The following TBC1D12 variants were observed in gnomAD, a reference collection of about 807,000 sequenced individuals.
TBC1D12 encodes the protein TBC1 domain family, member 12.
A neutral mutation model predicts 86.7 loss-of-function variants in TBC1D12; 56 were observed. The observed-to-expected ratio is 0.65, with a 90% CI of 0.52 to 0.81. The LOEUF is 0.81. TBC1D12 is among the 30% of genes least tolerant of loss of function. The pLI is 0.00. For missense variants in TBC1D12, 1,023 were observed against 1,038.8 expected, an observed-to-expected ratio of 0.98 and a Z score of 0.21; for synonymous variants, 421 against 411.7, an observed-to-expected ratio of 1.02 and a Z score of -0.27.
chr10:94,459,233 G>A (rs375133206), intron 2 of TBC1D12, among the ~76,000 whole-genome samples: 11 of 150,292 alleles, frequency 7.3e-5, no homozygotes, highest in African/African-American at 2.4e-4. Flanking sequence ...ACAAAAGTTC[G>A]CCAAGTCCCC....
chr10:94,497,093 G>T lies in TBC1D12; in HGVS notation c.1333G>T (p.Glu445Ter). ...ACATAAAAGAAAAAGAATCATGAAA[G>T]AACGATTTAAGCAGGAAGAAAATAT... ...EAHKRKRIMK[E>*]RFKQEENIAS... is the part of the protein sequence containing the mutation. Residue 445 changes from glutamate to a stop codon, truncating the protein, a stop_gained, in exon 5 of 13, where the codon GAA (glutamate) becomes TAA (stop). Coordinates refer to ENST00000225235, the MANE Select transcript of TBC1D12 (RefSeq NM_015188.2). LOFTEE classifies it high-confidence loss of function. 6.4e-7 allele frequency: 1 copy of T among 1,567,976 alleles called. No homozygotes were observed. Among genetic ancestry groups the T allele is most frequent in the South Asian group, 1.2e-5 (1 of 83,826 alleles).
intron 1 of TBC1D12, among the ~76,000 whole-genome samples, chr10:94,437,475 C>T (rs944662625): frequency 2.6e-5 from 4 of 152,018 alleles, no homozygotes; most frequent in African/African-American, 4.8e-5. Context: ...TACAGGCGCC[C>T]GCCACCATGC....
intron 8 of TBC1D12, 23 bp from the exon 9 acceptor site, chr10:94,511,560 A>G (rs767071872): frequency 6.6e-7 from 1 of 1,516,842 alleles, no homozygotes; most frequent in East Asian, 2.3e-5. Flanking sequence ...GTACAGTTTC[A>G]AATTTCATTT....
intron 1 of TBC1D12, among the ~76,000 whole-genome samples, chr10:94,404,839 G>GA (rs1564931880): frequency 6.6e-6 from 1 of 151,618 alleles, no homozygotes; most frequent in African/African-American, 2.4e-5. Flanking sequence ...CCTGAGGTCA[G>GA]AGTTCGAGAC....
intron 2 of TBC1D12, among the ~76,000 whole-genome samples, chr10:94,463,862 CACTA>C (rs1036506296): frequency 3.3e-5 from 5 of 152,066 alleles, no homozygotes; most frequent in Admixed American, 6.5e-5. Flanking sequence ...CTTTTTCTAC[CACTA>C]ACTGAGAGAA....
Position 94,440,798 on chromosome 10 carries a change from A to G in TBC1D12, c.972-1098A>G, listed in dbSNP as rs116787211. Among the ~76,000 whole-genome samples the G allele has an allele frequency of 4.6e-3, 699 of 152,284 alleles. 6 individuals are homozygous for G. The highest frequency in any genetic ancestry group is 0.016 in the African/African-American group (672 of 41,550). On this transcript the variant is annotated intron_variant, in intron 1 of 12. Coordinates refer to ENST00000225235, the MANE Select transcript of TBC1D12 (RefSeq NM_015188.2). ...TTGATGGGTACATATGTTGAGTATC[A>G]TCCCTGCTTACATAAAAAAATAGGT...
intron 1 of TBC1D12, among the ~76,000 whole-genome samples, chr10:94,410,799 TAAC>T (rs2054919076): frequency 6.6e-6 from 1 of 152,202 alleles, no homozygotes; most frequent in African/African-American, 2.4e-5. Flanking sequence ...TTGTCCTAGG[TAAC>T]AACTTCTGCC....
At chr10:94,447,693 T>A in intron 2 of TBC1D12, 1 of 984,910 alleles carries the variant, frequency 1.0e-6, no homozygotes, top group Non-Finnish European at 1.2e-6. Context: ...AAAAATTGAA[T>A]CTGTTAATTA....
intron 3 of TBC1D12, among the ~76,000 whole-genome samples, chr10:94,478,566 G>C (rs908931644): frequency 3.9e-5 from 6 of 152,108 alleles, no homozygotes; most frequent in Admixed American, 3.9e-4. Context: ...AAATTAGCTG[G>C]CCATGGTGGT....
At chr10:94,421,331 T>C (rs1486095329) in intron 1 of TBC1D12, among the ~76,000 whole-genome samples, 2 of 152,234 alleles carry the variant, frequency 1.3e-5, no homozygotes, top group Non-Finnish European at 2.9e-5. Flanking sequence ...TTCTCTCTGT[T>C]CATCCATGTT....
At chr10:94,475,362 G>A (rs925515011) in intron 3 of TBC1D12, among the ~76,000 whole-genome samples, 48 of 152,206 alleles carry the variant, frequency 3.2e-4, no homozygotes, top group African/African-American at 1.2e-3. Context: ...TGACCTGGCT[G>A]GGAGCCTACT....
At chr10:94,518,103 G>A (rs373170747) in intron 9 of TBC1D12, among the ~76,000 whole-genome samples, 1 of 152,228 alleles carries the variant, frequency 6.6e-6, no homozygotes, top group East Asian at 1.9e-4. Flanking sequence ...GTAGTGAGCC[G>A]AGATCCCGCC....
Position 94,418,575 on chromosome 10 carries a change from AT to A in TBC1D12, c.971+14993del, listed in dbSNP as rs1476671063. On this transcript the variant is annotated intron_variant, in intron 1 of 12. Coordinates refer to ENST00000225235, the MANE Select transcript of TBC1D12 (RefSeq NM_015188.2). ...TTGGTCTATTATTATTATTATTATT[AT>A]TATTATATTATTTTTGAGACAGTCT... Among the ~76,000 whole-genome samples, 748 of 150,920 alleles carry A rather than the reference AT, an allele frequency of 5.0e-3. 13 individuals carry two copies. The South Asian group carries it at 0.059, about 12-fold the overall frequency.
Position 94,402,854 on chromosome 10 carries a change from CT to C in TBC1D12, c.242del (p.Leu81ArgfsTer53). The C allele has an allele frequency of 6.5e-7, 1 of 1,532,980 alleles. No homozygotes were observed. 95.0% of individuals were successfully genotyped at this position (1,532,980 alleles called of 1,614,324 possible). On this transcript the variant is annotated frameshift_variant, in exon 1 of 13. Transcript: ENST00000225235. LOFTEE classifies it high-confidence loss of function. ...QRYLAAAGEQ[L>X]EPGLCYCPLP... The stretch of plus-strand genomic sequence containing the variant: ...TTACCTCGCGGCGGCCGGGGAGCAG[CT>C]GGAGCCGGGGCTCTGCTACTGTCCG...
chr10:94,430,422 C>T (rs973471523), intron 1 of TBC1D12, among the ~76,000 whole-genome samples: 1 of 152,104 alleles, frequency 6.6e-6, no homozygotes, highest in African/African-American at 2.4e-5. Context: ...ATCTCAGATA[C>T]GTAAGTGGGT....
At chr10:94,507,381 A>T (rs369756681) in intron 7 of TBC1D12, 34 bp downstream of exon 7, 2 of 1,546,336 alleles carry the variant, frequency 1.3e-6, no homozygotes. Flanking sequence ...GAATTTTAGG[A>T]TGAAAATTCA....
At chr10:94,523,043 CAAA>C (rs35912130) in intron 11 of TBC1D12, among the ~76,000 whole-genome samples, 3 of 64,626 alleles carry the variant, frequency 4.6e-5, no homozygotes, top group Admixed American at 2.0e-4. Flanking sequence ...GACTCCAGCT[CAAA>C]AAAAAAAAAA....
intron 1 of TBC1D12, among the ~76,000 whole-genome samples, chr10:94,432,287 A>G (rs2055228144): frequency 6.6e-6 from 1 of 152,106 alleles, no homozygotes; most frequent in Non-Finnish European, 1.5e-5. Flanking sequence ...AAGATGACAC[A>G]TTTTTGGCCT....
At position 94,403,561 on chromosome 10, in the gene TBC1D12, C is replaced by A; in HGVS notation, c.948C>A (p.Gly316=). The A allele has an allele frequency of 2.0e-6, 3 of 1,479,244 alleles. No homozygotes were observed. The highest frequency in any genetic ancestry group is 1.8e-6 in the Non-Finnish European group (2 of 1,125,306). The allele number at this position is 1,479,244 out of a possible 1,614,324, so 91.6% of individuals were successfully genotyped here. ...AGASARARRS[G]GFADFFTRNL... is the part of the protein sequence containing the mutation. Reference sequence around the variant, plus strand: ...CTTCGGCCCGGGCTCGACGGAGTGGCGGCTTCGCGGACTTCTTCACCAGGT... The same window carrying A: ...CTTCGGCCCGGGCTCGACGGAGTGGAGGCTTCGCGGACTTCTTCACCAGGT... Residue 316 remains glycine, a synonymous_variant, in exon 1 of 13, where the codon GGC becomes GGA. Transcript: ENST00000225235.
Sources: allele counts gnomAD v4.1 joint callset (sites outside exome capture counted in the v4.1 genomes callset), GRCh38; gene constraint gnomAD v4.1.1; transcripts MANE v1.5; gene names NCBI Gene and HGNC (gene_info 2026-07-23, HGNC 2026-07-21).